Variants in OPCML observed in about 807,000 individuals in gnomAD.
OPCML encodes opioid binding protein/cell adhesion molecule like, also known as opioid-binding protein/cell adhesion molecule.
In OPCML, 13 loss-of-function variants were observed where a neutral mutation model predicts 37.8. The observed-to-expected ratio is 0.34, with a 90% CI of 0.22 to 0.55. The LOEUF is 0.55. Ranked by LOEUF, OPCML falls within the 20% of genes least tolerant of loss-of-function variation. OPCML has a pLI of 0.91. For synonymous variants in OPCML, 176 were observed against 168.8 expected (o/e 1.04, Z -0.33); for missense variants, 341 against 435.6 (o/e 0.78, Z 1.93).
At chr11:133,332,532 G>C (rs543177094) in intron 1 of OPCML, among the ~76,000 whole-genome samples, 1 of 152,276 alleles carries the variant, frequency 6.6e-6, no homozygotes, top group South Asian at 2.1e-4. Context: ...GTTTTCAAGG[G>C]CAATGCTTCC....
At chr11:132,790,538 G>A (rs368243240) in intron 2 of OPCML, among the ~76,000 whole-genome samples, 32 of 152,326 alleles carry the variant, frequency 2.1e-4, no homozygotes, top group Middle Eastern at 3.4e-3. Flanking sequence ...ATGATAGGCT[G>A]GTTCTCTTAC....
intron 1 of OPCML, among the ~76,000 whole-genome samples, chr11:133,159,500 G>A (rs906827267): frequency 6.6e-6 from 1 of 152,242 alleles, no homozygotes; most frequent in Non-Finnish European, 1.5e-5. Flanking sequence ...TCTCACATTA[G>A]AGGGAAGACA....
intron 1 of OPCML, among the ~76,000 whole-genome samples, chr11:133,530,908 C>T (rs1203261715): frequency 3.3e-5 from 5 of 152,146 alleles, no homozygotes; most frequent in Non-Finnish European, 5.9e-5. Context: ...TTAAAAACAA[C>T]ACTGAAAATA....
chr11:133,466,859 C>T (rs1424029825), intron 1 of OPCML, among the ~76,000 whole-genome samples: 1 of 152,172 alleles, frequency 6.6e-6, no homozygotes, highest in East Asian at 1.9e-4. Flanking sequence ...AAAGGAATGT[C>T]TCATCTCATG....
At chr11:133,335,955 C>A (rs1291355291) in intron 1 of OPCML, among the ~76,000 whole-genome samples, 5 of 151,992 alleles carry the variant, frequency 3.3e-5, no homozygotes, top group African/African-American at 1.2e-4. Context: ...GCTCTGTTTG[C>A]AAGTAGCAGG....
At chr11:132,883,598 T>C (rs1398785531) in intron 2 of OPCML, among the ~76,000 whole-genome samples, 1 of 152,164 alleles carries the variant, frequency 6.6e-6, no homozygotes, top group Non-Finnish European at 1.5e-5. Context: ...CATACAGGAA[T>C]ACTGTTAGCG....
chr11:132,814,623 T>A (rs185254327), intron 2 of OPCML, among the ~76,000 whole-genome samples: 141 of 152,296 alleles, frequency 9.3e-4, no homozygotes, highest in African/African-American at 3.3e-3. Context: ...GTCCACCAAT[T>A]CAAATGCTAA....
intron 1 of OPCML, among the ~76,000 whole-genome samples, chr11:133,457,630 T>C (rs1297781854): frequency 6.6e-6 from 1 of 152,038 alleles, no homozygotes; most frequent in Non-Finnish European, 1.5e-5. Flanking sequence ...CATATATATA[T>C]ATGGTCTCAC....
At chr11:133,240,190 A>G (rs1940672807) in intron 1 of OPCML, among the ~76,000 whole-genome samples, 1 of 137,126 alleles carries the variant, frequency 7.3e-6, no homozygotes, top group Non-Finnish European at 1.5e-5. Flanking sequence ...AATGGACTGA[A>G]TGAATACTCC....
chr11:132,900,763 G>T (rs754813431), intron 2 of OPCML, among the ~76,000 whole-genome samples: 1 of 152,062 alleles, frequency 6.6e-6, no homozygotes, highest in Admixed American at 6.5e-5. Flanking sequence ...CATGTCTACA[G>T]TCAGAGAAGC....
At chr11:132,469,643 T>TG (rs1565588813) in intron 4 of OPCML, among the ~76,000 whole-genome samples, 1 of 112,120 alleles carries the variant, frequency 8.9e-6, no homozygotes, top group Non-Finnish European at 1.7e-5. Flanking sequence ...TGTATGTGTG[T>TG]GGGGGTGTAT....
chr11:133,168,262 C>G (rs1336589231), intron 1 of OPCML, among the ~76,000 whole-genome samples: 1 of 152,194 alleles, frequency 6.6e-6, no homozygotes, highest in Non-Finnish European at 1.5e-5. Context: ...GTGCTTTCCT[C>G]CTGGAATGAG....
At chr11:132,519,263 A>G (rs1241496027) in intron 4 of OPCML, among the ~76,000 whole-genome samples, 1 of 151,974 alleles carries the variant, frequency 6.6e-6, no homozygotes, top group Non-Finnish European at 1.5e-5. Context: ...TTGGGGAGGG[A>G]AGGTGGGGGT....
intron 1 of OPCML, among the ~76,000 whole-genome samples, chr11:133,411,662 C>T (rs1394797158): frequency 1.3e-5 from 2 of 152,158 alleles, no homozygotes; most frequent in African/African-American, 2.4e-5. Context: ...TCACAACACA[C>T]ATGAGAGGAG....
chr11:133,051,698 C>G (rs1198099112), intron 1 of OPCML, among the ~76,000 whole-genome samples: 1 of 152,184 alleles, frequency 6.6e-6, no homozygotes, highest in Non-Finnish European at 1.5e-5. Context: ...CCTCTCCCCA[C>G]AACCATAACA....
Position 132,523,071 on chromosome 11 carries a change from C to T in OPCML, c.505+5990G>A, listed in dbSNP as rs546085794. On this transcript the variant is annotated intron_variant, in intron 4 of 7. Transcript: ENST00000524381. ...CCTGCGTCAGCCTCCTGAGCAGTTG[C>T]AACTACAGGCGTGGTTGTAGAGATG... Among the ~76,000 whole-genome samples, 153 of 152,260 alleles carry T rather than the reference C, an allele frequency of 1.0e-3. 3 individuals carry two copies. The South Asian group carries it at 0.031, about 31-fold the overall frequency.
At chr11:132,856,867 G>T (rs1942077698) in intron 2 of OPCML, among the ~76,000 whole-genome samples, 1 of 152,132 alleles carries the variant, frequency 6.6e-6, no homozygotes, top group African/African-American at 2.4e-5. Context: ...CAGCACACTT[G>T]GATCTCACAA....
At chr11:133,104,051 A>G (rs2137077388) in intron 1 of OPCML, among the ~76,000 whole-genome samples, 1 of 152,354 alleles carries the variant, frequency 6.6e-6, no homozygotes, top group Middle Eastern at 3.4e-3. Context: ...TGAGACAATT[A>G]GCAACTTGTA....
In OPCML at chr11:132,899,889, G is replaced by A. The variant is rs537819818; in HGVS notation, c.146+43037C>T. Among the ~76,000 whole-genome samples, 16 of 152,108 alleles carry A rather than the reference G, an allele frequency of 1.1e-4. No homozygotes were observed. The East Asian group carries it at 1.5e-3, about 15-fold the overall frequency. ...GGTCAGCAGAACTCCAGGCTCTCTCGCCTGTGGATTCTAGGACTTAGCCCA... is the reference window on the plus strand; with the variant it reads ...GGTCAGCAGAACTCCAGGCTCTCTCACCTGTGGATTCTAGGACTTAGCCCA... On this transcript the variant is annotated intron_variant, in intron 2 of 7. Coordinates refer to ENST00000524381, the MANE Select transcript of OPCML (RefSeq NM_001012393.5).
Sources: gnomAD v4.1 joint callset for allele counts (sites outside exome capture counted in the v4.1 genomes callset) on GRCh38, gnomAD v4.1.1 for gene constraint, MANE v1.5 for transcripts, NCBI Gene and HGNC (gene_info 2026-07-23, HGNC 2026-07-21) for gene names.